The following TSC2 variants were observed in gnomAD, a reference collection of about 807,000 sequenced individuals.
TSC2 encodes TSC complex subunit 2, also known as tuberin.
A neutral mutation model predicts 202.2 loss-of-function variants in TSC2; 29 were observed. The observed-to-expected ratio is 0.14, with a 90% CI of 0.11 to 0.20. The LOEUF is 0.20. Ranked by LOEUF, TSC2 falls within the 10% of genes least tolerant of loss-of-function variation. The probability of loss-of-function intolerance (pLI) is 1.00; values close to 1 mark genes in which losing one functional copy is unlikely to be tolerated. For missense variants in TSC2, 2,429 were observed against 2,420.0 expected (o/e 1.00, Z -0.08); for synonymous variants, 1,349 against 1,044.0 (o/e 1.29, Z -5.63).
At chr16:2,055,967 G>T in intron 6 of TSC2, 2 of 610,974 alleles carry the variant, frequency 3.3e-6, no homozygotes, top group Admixed American at 2.5e-5. Context: ...TTATCTTTTT[G>T]TTGTTTGTTT....
chr16:2,080,434 G>A (rs1219947537), intron 30 of TSC2, 57 bp downstream of exon 30: 1 of 1,592,120 alleles, frequency 6.3e-7, no homozygotes. Context: ...ACAGAGCTGT[G>A]GACACTCAGG....
At chr16:2,065,670 C>G (rs374178045) in intron 16 of TSC2, 35 bp downstream of exon 16, 1 of 1,571,684 alleles carries the variant, frequency 6.4e-7, no homozygotes, top group East Asian at 2.2e-5. Context: ...GCTCCCGGGG[C>G]GCGCATGGCT....
At chr16:2,084,787 G>T in intron 34 of TSC2, 72 bp downstream of exon 34, 1 of 1,598,242 alleles carries the variant, frequency 6.3e-7, no homozygotes, top group Non-Finnish European at 8.5e-7. Flanking sequence ...CTTGCCCCAG[G>T]CCGAGCGGGC....
chr16:2,069,515 T>C (rs180831566), intron 16 of TSC2, among the ~76,000 whole-genome samples: 12,094 of 151,230 alleles, frequency 0.08, 608 homozygotes, highest in Middle Eastern at 0.14. Context: ...AGTCTTGCTC[T>C]GTCGCCCAGG....
intron 31 of TSC2, 74 bp from the exon 32 acceptor site, chr16:2,082,362 G>T (rs1413003225): frequency 1.9e-6 from 3 of 1,543,976 alleles, no homozygotes; most frequent in Admixed American, 3.3e-5. Context: ...CAGGCACGGG[G>T]CCTGTGCTCT....
At chr16:2,086,618 C>G (rs371310759) in intron 37 of TSC2, 114 bp from the exon 38 acceptor site, 63 of 1,517,992 alleles carry the variant, frequency 4.2e-5, no homozygotes, top group Non-Finnish European at 5.2e-5. Context: ...CACCAGAGGA[C>G]GTGGTCCCCG....
At position 2,088,564 on chromosome 16, in the gene TSC2, G is replaced by GGAA. The variant is rs137854335; in HGVS notation, c.5380_5382dup (p.Lys1794dup). ...ACACCTGGCTATGAGGTGGGCCAGC[G>GGAA]GAAGCGCCTCATCTCCTCGGTGGAG... is the stretch of plus-strand genomic sequence containing the variant. On this transcript the variant is annotated inframe_insertion, in exon 42 of 42. Coordinates refer to ENST00000219476, the MANE Select transcript of TSC2 (RefSeq NM_000548.5). 2.5e-6 allele frequency: 4 copies of GGAA among 1,610,520 alleles called. No individual in the cohort carries two copies. Among genetic ancestry groups the GGAA allele is most frequent in the Non-Finnish European group, 3.4e-6 (4 of 1,179,924 alleles).
At chr16:2,084,900 C>G in intron 34 of TSC2, 51 bp from the exon 35 acceptor site, 2 of 1,609,846 alleles carry the variant, frequency 1.2e-6, no homozygotes, top group Non-Finnish European at 1.7e-6. Flanking sequence ...TGGGCTGTGG[C>G]TGCCCTGGCC....
chr16:2,088,296 C>A lies in TSC2; in HGVS notation c.5230C>A (p.Leu1744Ile). The part of the protein sequence containing the change: ...DIYPSKWIAR[L>I]RHIKRLRQRI... ...CTACCCCTCCAAGTGGATTGCCCGG[C>A]TCCGCCACATCAAGCGGCTCCGCCA... Residue 1744 changes from leucine (L) to isoleucine (I), a missense_variant, in exon 41 of 42, where the codon CTC becomes ATC. Leu to Ile is a conservative substitution (Grantham distance 5). Transcript: ENST00000219476. 6.2e-7 allele frequency: 1 copy of A among 1,612,762 alleles called. No homozygotes were observed. Among genetic ancestry groups the A allele is most frequent in the Non-Finnish European group, 8.5e-7 (1 of 1,179,948 alleles).
At chr16:2,072,055 T>C (rs2088509393) in intron 19 of TSC2, 121 bp downstream of exon 19, 1 of 1,480,342 alleles carries the variant, frequency 6.8e-7, no homozygotes, top group African/African-American at 1.4e-5. Flanking sequence ...CCCTCAGAGC[T>C]GAGCCTTCCC....
At chr16:2,062,624 C>T (rs1000749737) in intron 13 of TSC2, 24 bp downstream of exon 13, 15 of 1,582,822 alleles carry the variant, frequency 9.5e-6, no homozygotes, top group East Asian at 2.3e-5. Context: ...TGTAGCCTTG[C>T]CTGGCACCTG....
At chr16:2,058,623 C>T (rs1258689975) in intron 9 of TSC2, 124 bp from the exon 10 acceptor site, 14 of 1,442,800 alleles carry the variant, frequency 9.7e-6, no homozygotes, top group East Asian at 2.5e-5. Context: ...CAGCGGTGCT[C>T]CTGCCCCCCC....
rs150195368 is a variant in TSC2 at position 2,060,764 on chromosome 16, C to T, written c.1070C>T (p.Ala357Val). 5.8e-4 allele frequency: 938 copies of T among 1,613,962 alleles called. 3 individuals carry two copies. Among genetic ancestry groups the T allele is most frequent in the Middle Eastern group, 1.5e-3 (9 of 6,062 alleles). The change falls in exon 11 of 42, where the codon GCG (alanine) becomes GTG (valine). Residue 357 changes from alanine (A) to valine (V), a missense_variant. By Grantham distance (64) the Ala-to-Val change is moderately conservative. Coordinates refer to ENST00000219476, the MANE Select transcript of TSC2 (RefSeq NM_000548.5). ...KKYRKELQVV[A>V]WDILLNIIER... is the part of the protein sequence containing the mutation. The stretch of plus-strand genomic sequence containing the variant: ...TATAGGAAGGAGCTCCAGGTGGTGG[C>T]GTGGGACATTCTGCTGAACATCATC...
intron 11 of TSC2, chr16:2,061,429 G>C (rs891205897): frequency 3.1e-6 from 1 of 320,258 alleles, no homozygotes. Context: ...GCTGGTGGCA[G>C]TGGCAGAGGT....
Position 2,080,221 on chromosome 16 carries a change from A to C in TSC2, c.3454A>C (p.Ser1152Arg), listed in dbSNP as rs772215032. 1.9e-6 allele frequency: 3 copies of C among 1,612,874 alleles called. No individual in the cohort carries two copies. The highest frequency in any genetic ancestry group is 2.5e-6 in the Non-Finnish European group (3 of 1,180,024). ...LDVPASQFLG[S>R]ATSPGPRTAP... ...CGTGCCGGCCTCCCAGTTCCTGGGC[A>C]GTGCCACTTCTCCAGGACCACGGAC... The change falls in exon 30 of 42, where the codon AGT (serine) becomes CGT (arginine). Residue 1152 changes from serine to arginine, a missense_variant. Transcript: ENST00000219476.
rs982250014 is a variant in TSC2 at position 2,055,462 on chromosome 16, T to G, written c.542T>G (p.Val181Gly). 6.2e-7 allele frequency: 1 copy of G among 1,614,236 alleles called. No individual in the cohort carries two copies. The change falls in exon 6 of 42, where the codon GTG (valine) becomes GGG (glycine). Residue 181 changes from valine (V) to glycine (G), a missense_variant. Transcript: ENST00000219476. ...TCCTCGGAATTCCTTCTGGTGCTGG[T>G]GAACTTGGTCAAATTCAATAGCTGT... Reference protein sequence around the residue: ...GLSSEFLLVLVNLVKFNSCYL... With the variant: ...GLSSEFLLVLGNLVKFNSCYL...
rs2090543060 is a variant in TSC2 at position 2,084,694 on chromosome 16, A to G, written c.4472A>G (p.Lys1491Arg). The G allele has an allele frequency of 1.9e-6, 3 of 1,598,532 alleles. No individual in the cohort carries two copies. Among genetic ancestry groups the G allele is most frequent in the Non-Finnish European group, 2.5e-6 (3 of 1,179,858 alleles). Residue 1491 changes from lysine to arginine, a missense_variant, in exon 34 of 42, where the codon AAA becomes AGA. Coordinates refer to ENST00000219476, the MANE Select transcript of TSC2 (RefSeq NM_000548.5). ...KSRATASNAEKVPGINPSFVF... is the reference protein window; with the variant it reads ...KSRATASNAERVPGINPSFVF... ...AGAGCCACAGCCTCCAATGCAGAGA[A>G]AGTGCCAGGCATCAACCCCAGGTGG...
intron 6 of TSC2, 131 bp downstream of exon 6, chr16:2,055,650 T>G: frequency 2.2e-6 from 2 of 896,712 alleles, no homozygotes; most frequent in South Asian, 2.6e-5. Context: ...CTCAGCACTT[T>G]GGGAGGCCGA....
chr16:2,069,355 C>T (rs574876296), intron 16 of TSC2, among the ~76,000 whole-genome samples: 119 of 152,288 alleles, frequency 7.8e-4, no homozygotes, highest in Middle Eastern at 3.4e-3. Context: ...CTCGCTCTGT[C>T]GCCCCAGCTG....
Sources: gnomAD v4.1 joint callset for allele counts (sites outside exome capture counted in the v4.1 genomes callset) on GRCh38, gnomAD v4.1.1 for gene constraint, MANE v1.5 for transcripts, NCBI Gene and HGNC (gene_info 2026-07-23, HGNC 2026-07-21) for gene names.